The following MYO19 variants were observed in gnomAD, a reference collection of about 807,000 sequenced individuals.
MYO19 encodes the protein unconventional myosin-XIX.
In MYO19, 132 loss-of-function variants were observed where a neutral mutation model predicts 129.2. That is an observed-to-expected ratio of 1.02 (90% confidence interval 0.89 to 1.18). The LOEUF is 1.18. MYO19 is among the 50% of genes most tolerant of loss of function. The probability of loss-of-function intolerance (pLI) is 0.00; values close to 1 mark genes in which losing one functional copy is unlikely to be tolerated. For synonymous variants in MYO19, 531 were observed against 477.2 expected (o/e 1.11, Z -1.47); for missense variants, 1,210 against 1,216.7 (o/e 0.99, Z 0.08).
chr17:36,522,743 C>T (rs1378515109), intron 6 of MYO19, among the ~76,000 whole-genome samples: 2 of 152,026 alleles, frequency 1.3e-5, no homozygotes, highest in Admixed American at 6.5e-5. Context: ...CGTGATGGCT[C>T]ACGCCTGTAA....
chr17:36,523,585 CAG>C (rs1316431788), intron 6 of MYO19, among the ~76,000 whole-genome samples: 4 of 152,016 alleles, frequency 2.6e-5, no homozygotes, highest in Non-Finnish European at 2.9e-5. Flanking sequence ...ACAGGGAAAA[CAG>C]AGGGAAAATA....
chr17:36,518,289 T>C (rs535296958), intron 6 of MYO19, among the ~76,000 whole-genome samples: 76 of 151,648 alleles, frequency 5.0e-4, no homozygotes, highest in African/African-American at 9.2e-4. Flanking sequence ...CTGGCCACCA[T>C]AGTGAAACTA....
At chr17:36,544,186 CA>C (rs1368189856), upstream of MYO19, among the ~76,000 whole-genome samples, 3 of 152,218 alleles carry the variant, frequency 2.0e-5, no homozygotes, top group Non-Finnish European at 4.4e-5. Context: ...TAACCCAGCC[CA>C]AGAAGTTCCT....
At chr17:36,513,542 G>A (rs1182203180) in intron 10 of MYO19, 37 bp from the exon 11 acceptor site, 1 of 1,613,768 alleles carries the variant, frequency 6.2e-7, no homozygotes, top group Non-Finnish European at 8.5e-7. Flanking sequence ...GAGGTCAGCA[G>A]CAGCAAGATG....
In MYO19 at chr17:36,495,788, A is replaced by G; in HGVS notation, c.*463T>C. The G allele has an allele frequency of 8.1e-7, 1 of 1,239,868 alleles. No homozygotes were observed. The highest frequency in any genetic ancestry group is 1.0e-6 in the Non-Finnish European group (1 of 992,282). The allele number at this position is 1,239,868 out of a possible 1,614,324, so 76.8% of individuals were successfully genotyped here. A position where few individuals can be genotyped will look rare whatever the true frequency, so the allele number is the denominator to read the frequency against. On this transcript the variant is annotated 3_prime_UTR_variant, in exon 26 of 26. Transcript: ENST00000614623. ...ATTATTCATAATTTAATTGTTTGAA[A>G]TTACATTAAATAAATCAACTAATTA...
intron 24 of MYO19, 146 bp from the exon 25 acceptor site, chr17:36,498,705 C>CTT: frequency 1.1e-6 from 1 of 883,840 alleles, no homozygotes; most frequent in South Asian, 1.8e-5. Flanking sequence ...CTGAACCAAA[C>CTT]TGGTTCCATA....
Position 36,503,957 on chromosome 17 carries a change from G to A in MYO19, c.1969C>T (p.Pro657Ser). The change falls in exon 20 of 26, where the codon CCC becomes TCC. Residue 657 changes from proline (P) to serine (S), a missense_variant. Physicochemically the swap from Pro to Ser is moderately conservative, Grantham distance 74 (BLOSUM62 -1). Coordinates refer to ENST00000614623, the MANE Select transcript of MYO19 (RefSeq NM_001163735.2). ...GTGATCGAGCCCACTCACCGGATGG[G>A]GAAGCCAGCAGCACTGATATGGATG... The part of the protein sequence containing the change: ...ETIHISAAGF[P>S]IRVSHRNFVE... 6.3e-7 allele frequency: 1 copy of A among 1,591,236 alleles called. No homozygotes were observed. The highest frequency in any genetic ancestry group is 8.5e-7 in the Non-Finnish European group (1 of 1,170,030).
chr17:36,531,585 T>C (rs1218366575), intron 3 of MYO19, among the ~76,000 whole-genome samples: 1 of 151,792 alleles, frequency 6.6e-6, no homozygotes, highest in Non-Finnish European at 1.5e-5. Context: ...TTGATATACC[T>C]TTTTTTTAAT....
intron 25 of MYO19, 51 bp downstream of exon 25, chr17:36,498,215 C>T: frequency 6.4e-7 from 1 of 1,565,122 alleles, no homozygotes; most frequent in Non-Finnish European, 8.7e-7. Context: ...GTAGGCTTTG[C>T]TCCTGCTGTT....
chr17:36,496,834 G>A (rs143557032), intron 25 of MYO19, among the ~76,000 whole-genome samples: 9 of 152,254 alleles, frequency 5.9e-5, no homozygotes, highest in Admixed American at 2.0e-4. Context: ...GACAGGCTCC[G>A]AGAAAATGTG....
rs1037755563 is a variant in MYO19 at position 36,503,010 on chromosome 17, C to T, written c.2080+87G>A. 7.0e-6 allele frequency: 8 copies of T among 1,149,634 alleles called. No individual in the cohort carries two copies. The African/African-American group carries it at 1.2e-4, about 18-fold the overall frequency. 71.2% of individuals were successfully genotyped at this position (1,149,634 alleles called of 1,614,324 possible). On this transcript the variant is annotated intron_variant, in intron 21 of 25. Transcript: ENST00000614623. Reference sequence around the variant, plus strand: ...GGCTGTGTTTTATTCACCAGTAAGCCCCAGCCCCTAGCCCTAAGACAGGGC... The same window carrying T: ...GGCTGTGTTTTATTCACCAGTAAGCTCCAGCCCCTAGCCCTAAGACAGGGC...
chr17:36,500,089 C>G (rs1288279735), intron 23 of MYO19: 1 of 152,096 alleles, frequency 6.6e-6, no homozygotes, highest in African/African-American at 2.4e-5. Flanking sequence ...AATTCCTGGG[C>G]TCAAGTGATC....
chr17:36,526,314 T>A (rs2142346947), intron 5 of MYO19, among the ~76,000 whole-genome samples: 1 of 152,280 alleles, frequency 6.6e-6, no homozygotes, highest in South Asian at 2.1e-4. Flanking sequence ...TGCTTCAGAC[T>A]CTTCACAAAC....
chr17:36,527,166 C>T lies in MYO19; in HGVS notation c.300+385G>A, dbSNP rs1349190149. Among the ~76,000 whole-genome samples the T allele has an allele frequency of 1.2e-4, 18 of 148,884 alleles. No homozygotes were observed. In the Admixed American group the frequency reaches 1.2e-3, roughly 10 times the overall value. ...GGGCAATAAGACTGAAACTCCATCT[C>T]AAAATAAATAAATAAATAAATAAAT... On this transcript the variant is annotated intron_variant, in intron 5 of 25. Coordinates refer to ENST00000614623, the MANE Select transcript of MYO19 (RefSeq NM_001163735.2).
intron 21 of MYO19, chr17:36,501,497 A>G: frequency 2.7e-6 from 1 of 367,870 alleles, no homozygotes; most frequent in Middle Eastern, 6.9e-4. Flanking sequence ...CTCTACTGCC[A>G]TGAGTCCCTT....
chr17:36,538,461 C>G, upstream of MYO19: 2 of 1,614,146 alleles, frequency 1.2e-6, no homozygotes, highest in Non-Finnish European at 8.5e-7. Context: ...ATTTTTCTTG[C>G]TGTCAAATAT....
chr17:36,499,669 T>TTTTC, intron 23 of MYO19: 2 of 118,964 alleles, frequency 1.7e-5, no homozygotes, highest in Middle Eastern at 7.6e-3. Flanking sequence ...TGTTTCTTTT[T>TTTTC]TTTTTTTTTT....
chr17:36,542,653 A>AGC (rs1160470318), intron 1 of MYO19, among the ~76,000 whole-genome samples: 1 of 151,154 alleles, frequency 6.6e-6, no homozygotes, highest in African/African-American at 2.4e-5. Context: ...GAGCCGAGAT[A>AGC]GCGCCACTGC....
intron 19 of MYO19, chr17:36,505,055 T>G: frequency 1.4e-6 from 1 of 729,096 alleles, no homozygotes; most frequent in Non-Finnish European, 2.5e-6. Flanking sequence ...TCAGGGTACA[T>G]GGCTCAAAAA....
Sources: allele counts gnomAD v4.1 joint callset (sites outside exome capture counted in the v4.1 genomes callset), GRCh38; gene constraint gnomAD v4.1.1; transcripts MANE v1.5; gene names NCBI Gene and HGNC (gene_info 2026-07-23, HGNC 2026-07-21).